The following PLA2G4E variants were observed in gnomAD, a reference collection of about 807,000 sequenced individuals.
The protein encoded by PLA2G4E is cytosolic phospholipase A2 epsilon.
A neutral mutation model predicts 109.1 loss-of-function variants in PLA2G4E; 84 were observed. That is an observed-to-expected ratio of 0.77 (90% CI 0.65 to 0.92). The LOEUF (loss-of-function observed/expected upper bound fraction) is 0.92. Among genes scored for constraint, PLA2G4E ranks in the 40% least tolerant of loss-of-function variants. The probability of loss-of-function intolerance (pLI) is 0.00; values close to 1 mark genes in which losing one functional copy is unlikely to be tolerated. For missense variants in PLA2G4E, 1,057 were observed against 1,076.6 expected (o/e 0.98, Z 0.25); for synonymous variants, 469 against 436.1 (o/e 1.08, Z -0.94).
At chr15:42,026,695 G>A (rs760984016) in intron 1 of PLA2G4E, among the ~76,000 whole-genome samples, 2 of 152,112 alleles carry the variant, frequency 1.3e-5, no homozygotes, top group African/African-American at 2.4e-5. Context: ...TATGAGGGTC[G>A]GGTGTGGTAG....
Position 42,007,726 on chromosome 15 carries a change from C to A in PLA2G4E, c.393+3G>T, listed in dbSNP as rs1382626011. On this transcript the variant is annotated splice_donor_region_variant and intron_variant, in intron 3 of 19. Coordinates refer to ENST00000399518, the Ensembl canonical transcript of PLA2G4E. ...AAGACAGGTGCAGTCCTCCATGTCTCACCTTCACTCGGCTCTGGATCTGGA... is the reference window on the plus strand; with the variant it reads ...AAGACAGGTGCAGTCCTCCATGTCTAACCTTCACTCGGCTCTGGATCTGGA... The A allele has an allele frequency of 6.2e-7, 1 of 1,611,164 alleles. No individual in the cohort carries two copies. The highest frequency in any genetic ancestry group is 8.5e-7 in the Non-Finnish European group (1 of 1,178,808).
At chr15:41,996,762 T>A (rs2068348903) in intron 11 of PLA2G4E, among the ~76,000 whole-genome samples, 2 of 152,206 alleles carry the variant, frequency 1.3e-5, no homozygotes, top group Non-Finnish European at 2.9e-5. Flanking sequence ...AAGAAGGACC[T>A]AAGGCCTTTT....
chr15:42,017,732 G>A (rs7182355), intron 1 of PLA2G4E, among the ~76,000 whole-genome samples: 19,964 of 152,032 alleles, frequency 0.13, 2,965 homozygotes, highest in African/African-American at 0.36. Flanking sequence ...TTCACTCAGC[G>A]CTCCCCCAAA....
rs756199436 is a variant in PLA2G4E, at chr15:41,983,779, CG to C, written c.2581del (p.Arg861AlafsTer2). 5.9e-5 allele frequency: 95 copies of C among 1,599,538 alleles called. No homozygotes were observed. The East Asian group carries it at 2.1e-3, about 36-fold the overall frequency. On this transcript the variant is annotated frameshift_variant, in exon 20 of 20. Transcript: ENST00000399518. LOFTEE classifies it high-confidence loss of function. ...CTAGGAGGGACACTGGCCCTTCAGG[CG>C]CTTCTTCTTCTCCACTGCGAGCCGC... is the stretch of plus-strand genomic sequence containing the variant.
intron 2 of PLA2G4E, chr15:42,009,252 A>G (rs1353535126): frequency 2.0e-5 from 3 of 152,346 alleles, no homozygotes; most frequent in East Asian, 1.9e-4. Context: ...GCTCTTCCTT[A>G]TCATCACTCA....
intron 1 of PLA2G4E, among the ~76,000 whole-genome samples, chr15:42,024,964 G>A (rs1595573665): frequency 6.6e-6 from 1 of 152,110 alleles, no homozygotes; most frequent in Non-Finnish European, 1.5e-5. Context: ...ACTTTGGGAG[G>A]CTGAGGTGGG....
chr15:41,986,895 G>T (rs1378215888), intron 17 of PLA2G4E: 2 of 466,144 alleles, frequency 4.3e-6, no homozygotes, highest in Admixed American at 7.1e-5. Context: ...CTGTAACATG[G>T]GGCCAACTTC....
At chr15:42,028,193 A>G (rs2068708239) in intron 1 of PLA2G4E, among the ~76,000 whole-genome samples, 1 of 152,162 alleles carries the variant, frequency 6.6e-6, no homozygotes, top group South Asian at 2.1e-4. Context: ...AGCAGATACT[A>G]TTATTATCTC....
chr15:42,002,601 A>G (rs926535217), intron 6 of PLA2G4E, 53 bp downstream of exon 6: 23 of 1,516,894 alleles, frequency 1.5e-5, no homozygotes, highest in Non-Finnish European at 2.1e-5. Flanking sequence ...TTCCCCTGAG[A>G]GCAGCAGCCA....
intron 10 of PLA2G4E, chr15:41,997,646 C>T (rs969724561): frequency 1.9e-5 from 3 of 157,900 alleles, no homozygotes; most frequent in African/African-American, 2.4e-5. Flanking sequence ...TGACAAAAGG[C>T]GCTGAGATCA....
chr15:42,001,086 T>G (rs1459244860), intron 7 of PLA2G4E, 71 bp downstream of exon 7: 1 of 1,474,940 alleles, frequency 6.8e-7, no homozygotes, highest in Non-Finnish European at 9.5e-7. Context: ...CTAGGTGGAG[T>G]CTGATGCTGA....
chr15:42,000,751 C>T (rs2068407941), intron 7 of PLA2G4E, among the ~76,000 whole-genome samples: 1 of 152,172 alleles, frequency 6.6e-6, no homozygotes, highest in African/African-American at 2.4e-5. Context: ...TCTCTGCCAG[C>T]TATAAAGTGC....
At chr15:42,016,770 A>G (rs2068599411) in intron 1 of PLA2G4E, among the ~76,000 whole-genome samples, 1 of 152,212 alleles carries the variant, frequency 6.6e-6, no homozygotes, top group Non-Finnish European at 1.5e-5. Context: ...CTCACAGCCA[A>G]TTATAGGTCT....
rs1462347589 is a variant in PLA2G4E at position 42,050,566 on chromosome 15, A to C, written c.138T>G (p.Thr46=). ...TAGGACAGAAAGGTGGGAGACCAGG[A>C]GTGTCCAGGTCCTGTGTATCCTCGA... The change falls in exon 1 of 20, where the codon ACT becomes ACG. Residue 46 remains threonine, a synonymous_variant. Coordinates refer to ENST00000399518, the Ensembl canonical transcript of PLA2G4E. 4 of 1,550,490 alleles carry C rather than the reference A, an allele frequency of 2.6e-6. No individual in the cohort carries two copies. In the African/African-American group the frequency reaches 4.1e-5, roughly 16 times the overall value.
intron 1 of PLA2G4E, among the ~76,000 whole-genome samples, chr15:42,038,825 A>G (rs1595578536): frequency 6.6e-6 from 1 of 152,256 alleles, no homozygotes; most frequent in Non-Finnish European, 1.5e-5. Context: ...TATGAGGGAT[A>G]TTATCACCAA....
chr15:42,018,276 G>T (rs892876016), intron 1 of PLA2G4E, among the ~76,000 whole-genome samples: 1 of 152,246 alleles, frequency 6.6e-6, no homozygotes. Flanking sequence ...TCTGATGTGC[G>T]TGTGGGAACC....
chr15:41,989,697 G>GGGC lies in PLA2G4E; in HGVS notation c.1586-148_1586-146dup. On this transcript the variant is annotated intron_variant, in intron 14 of 19. Coordinates refer to ENST00000399518, the Ensembl canonical transcript of PLA2G4E. ...CGCAGTTCCCCCAAAGGACACATGG[G>GGGC]GGCACCCTTGGCCAGCTTCTGCTGG... 4 of 1,145,508 alleles carry GGGC rather than the reference G, an allele frequency of 3.5e-6. No individual in the cohort carries two copies. In the South Asian group the frequency reaches 5.0e-5, roughly 14 times the overall value. The allele number at this position is 1,145,508 out of a possible 1,614,324, so 71.0% of individuals were successfully genotyped here. A position where few individuals can be genotyped will look rare whatever the true frequency, so the allele number is the denominator to read the frequency against.
At chr15:41,987,114 T>G (rs1009736436) in intron 17 of PLA2G4E, 58 bp downstream of exon 17, 18 of 1,524,978 alleles carry the variant, frequency 1.2e-5, no homozygotes, top group Admixed American at 1.7e-5. Flanking sequence ...AGCCTTGACA[T>G]CCACATCTTC....
intron 1 of PLA2G4E, among the ~76,000 whole-genome samples, chr15:42,024,373 A>G (rs2068675181): frequency 6.6e-6 from 1 of 152,198 alleles, no homozygotes; most frequent in African/African-American, 2.4e-5. Context: ...ACTGATGACC[A>G]GGGAGCCCCA....
Sources: gnomAD v4.1 joint callset for allele counts (sites outside exome capture counted in the v4.1 genomes callset) on GRCh38, gnomAD v4.1.1 for gene constraint, MANE v1.5 for transcripts, NCBI Gene and HGNC (gene_info 2026-07-23, HGNC 2026-07-21) for gene names.